Variants in PDCD6IP observed in about 807,000 individuals in gnomAD.
PDCD6IP encodes programmed cell death 6-interacting protein.
PDCD6IP carries 43 observed loss-of-function variants against 103.7 expected under a neutral mutation model. That is an observed-to-expected ratio of 0.41 (90% CI 0.32 to 0.53). The LOEUF is 0.53. PDCD6IP is among the 20% of genes least tolerant of loss of function. The pLI, the probability that PDCD6IP is intolerant of heterozygous loss-of-function variation, is 0.16. For missense variants in PDCD6IP, 871 were observed against 1,036.7 expected (o/e 0.84, Z 2.20); for synonymous variants, 354 against 378.7 (o/e 0.93, Z 0.76).
At chr3:33,847,920 G>A (rs1170230483) in intron 12 of PDCD6IP, among the ~76,000 whole-genome samples, 3 of 151,942 alleles carry the variant, frequency 2.0e-5, no homozygotes, top group African/African-American at 7.3e-5. Flanking sequence ...TTTGCACAAG[G>A]TTGATGTTCA....
rs1413840511 is a variant in PDCD6IP, at chr3:33,867,328, C to T, written c.*803C>T. 2 of 152,100 alleles carry T rather than the reference C, an allele frequency of 1.3e-5. No homozygotes were observed. The highest frequency in any genetic ancestry group is 4.8e-5 in the African/African-American group (2 of 41,430). The allele number at this position is 152,100 out of a possible 1,614,324, so 9.4% of individuals were successfully genotyped here. A position where few individuals can be genotyped will look rare whatever the true frequency, so the allele number is the denominator to read the frequency against. ...TTTAATGTTTTATTGTTAGCTTCTC[C>T]AGAAAATTGATGCAAATTCTGGTAA... On this transcript the variant is annotated 3_prime_UTR_variant, in exon 18 of 18. Transcript: ENST00000307296.
intron 12 of PDCD6IP, 28 bp from the exon 13 acceptor site, chr3:33,852,449 TTTTTTTTGCAG>T: frequency 7.8e-7 from 1 of 1,286,396 alleles, no homozygotes; most frequent in South Asian, 1.9e-5. Flanking sequence ...TTTTTTTTTT[TTTTTTTTGCAG>T]TTAAACTAAG....
chr3:33,849,874 A>G (rs1697675554), intron 12 of PDCD6IP, among the ~76,000 whole-genome samples: 3 of 152,222 alleles, frequency 2.0e-5, no homozygotes, highest in African/African-American at 4.8e-5. Flanking sequence ...AGGGATCTCT[A>G]TCTTTGTGTG....
At chr3:33,858,816 A>AAAAAC (rs556255743) in intron 15 of PDCD6IP, among the ~76,000 whole-genome samples, 2 of 150,580 alleles carry the variant, frequency 1.3e-5, no homozygotes, top group African/African-American at 2.5e-5. Flanking sequence ...TCTCAAAAAC[A>AAAAAC]AAAACAAAAC....
chr3:33,798,838 C>T lies in PDCD6IP; in HGVS notation c.110C>T (p.Ala37Val), dbSNP rs558287009. ...TACCCAAGCGGCGGGGAAGAGCAGG[C>T]CCAGTACTGCCGCGCGGCGGAGGAG... ...QTYPSGGEEQ[A>V]QYCRAAEELS... The change falls in exon 1 of 18, where the codon GCC becomes GTC. Residue 37 changes from alanine to valine, a missense_variant. Transcript: ENST00000307296. 9 of 1,556,808 alleles carry T rather than the reference C, an allele frequency of 5.8e-6. No homozygotes were observed. Among genetic ancestry groups the T allele is most frequent in the African/African-American group, 4.1e-5 (3 of 73,314 alleles).
At chr3:33,805,605 A>G (rs1313917352) in intron 1 of PDCD6IP, among the ~76,000 whole-genome samples, 7 of 151,690 alleles carry the variant, frequency 4.6e-5, no homozygotes, top group African/African-American at 1.7e-4. Context: ...TTTTTAGTAG[A>G]GAGGAGGTCT....
chr3:33,827,033 C>T lies in PDCD6IP; in HGVS notation c.717+453C>T, dbSNP rs1013148639. ...GGAAAAGAAAACTTAACAAATTCATCTGATACTTTGATTAGAATTCAGTTT... is the reference window on the plus strand; with the variant it reads ...GGAAAAGAAAACTTAACAAATTCATTTGATACTTTGATTAGAATTCAGTTT... On this transcript the variant is annotated intron_variant, in intron 6 of 17. Transcript: ENST00000307296. 4 of 985,114 alleles carry T rather than the reference C, an allele frequency of 4.1e-6. No individual in the cohort carries two copies. In the African/African-American group the frequency reaches 5.2e-5, roughly 13 times the overall value. 61.0% of individuals were successfully genotyped at this position (985,114 alleles called of 1,614,324 possible). A position where few individuals can be genotyped will look rare whatever the true frequency, so the allele number is the denominator to read the frequency against.
chr3:33,864,627 G>A (rs1370457999), intron 16 of PDCD6IP, among the ~76,000 whole-genome samples: 1 of 152,158 alleles, frequency 6.6e-6, no homozygotes, highest in Non-Finnish European at 1.5e-5. Flanking sequence ...AATTGAATTT[G>A]GAGTGGATAT....
chr3:33,846,004 A>G (rs1383251878), intron 12 of PDCD6IP, among the ~76,000 whole-genome samples: 1 of 152,232 alleles, frequency 6.6e-6, no homozygotes, highest in Admixed American at 6.5e-5. Context: ...AGGAAGATTG[A>G]CAAGGTGTGC....
chr3:33,833,700 A>C (rs1011809146), intron 7 of PDCD6IP, among the ~76,000 whole-genome samples: 4 of 152,092 alleles, frequency 2.6e-5, no homozygotes, highest in Non-Finnish European at 4.4e-5. Flanking sequence ...CTTTGCGGCA[A>C]TATTTCTTTG....
chr3:33,819,309 C>T (rs922107423), intron 3 of PDCD6IP, among the ~76,000 whole-genome samples: 15 of 151,924 alleles, frequency 9.9e-5, no homozygotes, highest in Non-Finnish European at 2.2e-4. Flanking sequence ...TTTAAAAAAT[C>T]CTTTTCTTTT....
chr3:33,854,918 TCTTTTAA>T (rs1697794551), intron 14 of PDCD6IP: 1 of 237,564 alleles, frequency 4.2e-6, no homozygotes, highest in Non-Finnish European at 8.0e-6. Flanking sequence ...TGATCATGAA[TCTTTTAA>T]CTTGTTACAT....
At chr3:33,853,443 G>A (rs1697763142) in intron 13 of PDCD6IP, among the ~76,000 whole-genome samples, 1 of 152,220 alleles carries the variant, frequency 6.6e-6, no homozygotes, top group East Asian at 1.9e-4. Context: ...TAAATATGTT[G>A]AGAAGTTTGA....
At chr3:33,803,707 C>T (rs1696528520) in intron 1 of PDCD6IP, among the ~76,000 whole-genome samples, 1 of 152,000 alleles carries the variant, frequency 6.6e-6, no homozygotes, top group African/African-American at 2.4e-5. Context: ...TGATTTTCCT[C>T]CCTCAGATTT....
intron 9 of PDCD6IP, among the ~76,000 whole-genome samples, chr3:33,841,155 G>A (rs1697460818): frequency 6.6e-6 from 1 of 151,476 alleles, no homozygotes; most frequent in African/African-American, 2.4e-5. Flanking sequence ...AGCCTCCCAA[G>A]TAGCTGGGAT....
Position 33,866,373 on chromosome 3 carries a change from A to G in PDCD6IP, c.2455A>G (p.Met819Val), listed in dbSNP as rs140488564. The G allele has an allele frequency of 9.3e-5, 146 of 1,576,282 alleles. No individual in the cohort carries two copies. In the African/African-American group the frequency reaches 1.5e-3, roughly 17 times the overall value. The change falls in exon 18 of 18, where the codon ATG (methionine) becomes GTG (valine). Residue 819 changes from methionine to valine, a missense_variant. By Grantham distance (21) the Met-to-Val change is conservative. Around this residue, in one of 5 missense-constraint regions of PDCD6IP, gnomAD observed 202 missense variants for 205.2 expected, o/e 0.98. Coordinates refer to ENST00000307296, the MANE Select transcript of PDCD6IP (RefSeq NM_013374.6). ...CAGGTATTGCCAAATGCCCATGCCC[A>G]TGGGCTATAATCCTTATGCGTATGG... ...YPGYCQMPMP[M>V]GYNPYAYGQY...
At chr3:33,800,119 C>CAAAAAAAAAAAAAAAAA (rs1173163869) in intron 1 of PDCD6IP, among the ~76,000 whole-genome samples, 1 of 50,870 alleles carries the variant, frequency 2.0e-5, no homozygotes, top group Non-Finnish European at 4.1e-5. Flanking sequence ...GACTCCATCT[C>CAAAAAAAAAAAAAAAAA]AAAAAAAAAA....
intron 16 of PDCD6IP, among the ~76,000 whole-genome samples, chr3:33,865,000 GAAGC>G (rs1055779374): frequency 3.3e-5 from 5 of 152,132 alleles, no homozygotes; most frequent in African/African-American, 1.2e-4. Context: ...ACCACTGGAG[GAAGC>G]AGTAAATGAT....
At chr3:33,798,978 G>T (rs1243484711) in intron 1 of PDCD6IP, 41 bp downstream of exon 1, 18 of 1,450,208 alleles carry the variant, frequency 1.2e-5, no homozygotes, top group Non-Finnish European at 1.5e-5. Flanking sequence ...TCTGCCAGCC[G>T]TCGCTCGCCG....
Sources: allele counts gnomAD v4.1 joint callset (sites outside exome capture counted in the v4.1 genomes callset), GRCh38; gene constraint gnomAD v4.1.1; regional missense constraint gnomAD v4.1.1; transcripts MANE v1.5; gene names NCBI Gene and HGNC (gene_info 2026-07-23, HGNC 2026-07-21).